TLCD2: variants seen among roughly 807,000 people sequenced by gnomAD.
TLCD2 encodes TLC domain-containing protein 2.
In TLCD2, 12 loss-of-function variants were observed where a neutral mutation model predicts 14.0. That is an observed-to-expected ratio of 0.86 (90% confidence interval 0.55 to 1.39). TLCD2 has a LOEUF of 1.39. Among genes scored for constraint, TLCD2 ranks in the 40% most tolerant of loss-of-function variants. The pLI is 0.00. For missense variants in TLCD2, 360 were observed against 346.8 expected (o/e 1.04, Z -0.30); for synonymous variants, 166 against 156.5 (o/e 1.06, Z -0.45).
Position 1,705,605 on chromosome 17 carries a change from C to T in TLCD2, c.*2165G>A, listed in dbSNP as rs1000315653. On this transcript the variant is annotated 3_prime_UTR_variant, in exon 4 of 4. Transcript: ENST00000330676. Reference sequence around the variant, plus strand: ...TTTTGCCCTCCATCCTTCTTTGCCTCTGTCACCTCTATGTGAATAATCCTT... The same window carrying T: ...TTTTGCCCTCCATCCTTCTTTGCCTTTGTCACCTCTATGTGAATAATCCTT... The T allele has an allele frequency of 6.6e-6, 1 of 152,324 alleles. No homozygotes were observed. The highest frequency in any genetic ancestry group is 1.5e-5 in the Non-Finnish European group (1 of 68,088). 9.4% of individuals were successfully genotyped at this position (152,324 alleles called of 1,614,324 possible). A position where few individuals can be genotyped will look rare whatever the true frequency, so the allele number is the denominator to read the frequency against.
In TLCD2 at chr17:1,706,889, T is replaced by C. The variant is rs1318101977; in HGVS notation, c.*881A>G. The C allele has an allele frequency of 6.7e-6, 1 of 149,300 alleles. No homozygotes were observed. The highest frequency in any genetic ancestry group is 2.0e-4 in the East Asian group (1 of 4,980). 9.2% of individuals were successfully genotyped at this position (149,300 alleles called of 1,614,324 possible). A position where few individuals can be genotyped will look rare whatever the true frequency, so the allele number is the denominator to read the frequency against. On this transcript the variant is annotated 3_prime_UTR_variant, in exon 4 of 4. Coordinates refer to ENST00000330676, the MANE Select transcript of TLCD2 (RefSeq NM_001164407.2). ...AGGGTTAAGGAGAAAAACAGGAGTG[T>C]GCGCCTGTTCTCACGTCTGTAATCC...
intron 2 of TLCD2, 63 bp downstream of exon 2, chr17:1,709,741 G>T: frequency 7.8e-7 from 1 of 1,288,704 alleles, no homozygotes; most frequent in Non-Finnish European, 1.1e-6. Context: ...GGACCTGGAA[G>T]GACAGCAGAA....
rs1445424079 is a variant in TLCD2, at chr17:1,702,856, G to A, written c.*4914C>T. 1 of 152,194 alleles carries A rather than the reference G, an allele frequency of 6.6e-6. No homozygotes were observed. The highest frequency in any genetic ancestry group is 2.4e-5 in the African/African-American group (1 of 41,452). 9.4% of individuals were successfully genotyped at this position (152,194 alleles called of 1,614,324 possible). On this transcript the variant is annotated 3_prime_UTR_variant, in exon 4 of 4. Coordinates refer to ENST00000330676, the MANE Select transcript of TLCD2 (RefSeq NM_001164407.2). ...TTTATTAATTTATAATCAGGATAGT[G>A]TTTCAAGGCCATAAAATATCAATGT...
chr17:1,710,271 T>G lies in TLCD2; in HGVS notation c.-29A>C. On this transcript the variant is annotated 5_prime_UTR_variant, in exon 1 of 4. Transcript: ENST00000330676. This position sits in a 1 kb window ranked among gnomAD's most constrained non-coding sequence, Gnocchi z 6.1. ...CTGGCGGTTGGGGGGTTGCGGGGAG[T>G]CCGGGTCGGTCCCCTCGGCGCCCGC... 3 of 1,453,422 alleles carry G rather than the reference T, an allele frequency of 2.1e-6. No individual in the cohort carries two copies. In the South Asian group the frequency reaches 4.1e-5, roughly 20 times the overall value. 90.0% of individuals were successfully genotyped at this position (1,453,422 alleles called of 1,614,324 possible). A position where few individuals can be genotyped will look rare whatever the true frequency, so the allele number is the denominator to read the frequency against.
Position 1,710,097 on chromosome 17 carries a change from C to A in TLCD2, c.146G>T (p.Ser49Ile). The change falls in exon 1 of 4, where the codon AGC becomes ATC. Residue 49 changes from serine to isoleucine, a missense_variant. Physicochemically the swap from Ser to Ile is moderately radical, Grantham distance 142. Transcript: ENST00000330676. This position sits in a 1 kb window ranked among gnomAD's most constrained non-coding sequence, Gnocchi z 6.1. ...CAGCGCCCCGGTCCCCGAGAGCAGGCTGTGCGCCAGGGAGACGCAGAGGTT... is the reference window on the plus strand; with the variant it reads ...CAGCGCCCCGGTCCCCGAGAGCAGGATGTGCGCCAGGGAGACGCAGAGGTT... ...WWNLCVSLAH[S>I]LLSGTGALLG... 1 of 1,533,448 alleles carries A rather than the reference C, an allele frequency of 6.5e-7. No individual in the cohort carries two copies. Among genetic ancestry groups the A allele is most frequent in the Admixed American group, 2.0e-5 (1 of 50,966 alleles). The allele number at this position is 1,533,448 out of a possible 1,614,324, so 95.0% of individuals were successfully genotyped here.
chr17:1,708,497 T>C (rs1461200993), intron 3 of TLCD2, among the ~76,000 whole-genome samples: 1 of 142,294 alleles, frequency 7.0e-6, no homozygotes, highest in Non-Finnish European at 1.5e-5. Context: ...TTTTTTTTTT[T>C]TTTTTTTCGA....
chr17:1,710,148 GC>G lies in TLCD2; in HGVS notation c.94del (p.Ala32ProfsTer85). ...CCACCACTGCCAGCGGTCCCGAGCG[GC>G]CGATTCCGGCGTGGGCAGCCGCCGC... ...GLRRLPTPES[A>X]ARDRWQWWNL... On this transcript the variant is annotated frameshift_variant, in exon 1 of 4. Coordinates refer to ENST00000330676, the MANE Select transcript of TLCD2 (RefSeq NM_001164407.2). LOFTEE classifies it high-confidence loss of function. This position sits in a 1 kb window ranked among gnomAD's most constrained non-coding sequence, Gnocchi z 6.1. 1 of 1,533,288 alleles carries G rather than the reference GC, an allele frequency of 6.5e-7. No homozygotes were observed. The highest frequency in any genetic ancestry group is 1.2e-5 in the South Asian group (1 of 83,934). 95.0% of individuals were successfully genotyped at this position (1,533,288 alleles called of 1,614,324 possible).
chr17:1,707,791 C>T lies in TLCD2; in HGVS notation c.774G>A (p.Ser258=), dbSNP rs1030678952. The T allele has an allele frequency of 4.1e-5, 61 of 1,502,240 alleles. No individual in the cohort carries two copies. The highest frequency in any genetic ancestry group is 1.1e-4 in the African/African-American group (8 of 72,372). 93.1% of individuals were successfully genotyped at this position (1,502,240 alleles called of 1,614,324 possible). ...CTCTCTAGTCTTTCAGGCTGAGAGT[C>T]GAACTGTTGCTGGTGACAGGTCCAT... ...RDNGPVTSNS[S]TLSLKD The change falls in exon 4 of 4, where the codon TCG becomes TCA. Residue 258 remains serine (S), a synonymous_variant. Coordinates refer to ENST00000330676, the MANE Select transcript of TLCD2 (RefSeq NM_001164407.2).
Position 1,709,562 on chromosome 17 carries a change from T to C in TLCD2, c.279A>G (p.Gly93=), listed in dbSNP as rs1463874461. The part of the protein sequence containing the change: ...AVSVGYFLAD[G]ADLLWNQTLG... ...AGGTCTGGTTCCACAGCAGGTCAGC[T>C]CCGTCTGCCAGGAAGTAACCTGTGG... The change falls in exon 3 of 4, where the codon GGA becomes GGG. Residue 93 remains glycine, a synonymous_variant. Transcript: ENST00000330676. The C allele has an allele frequency of 1.6e-5, 24 of 1,536,954 alleles. No individual in the cohort carries two copies. Among genetic ancestry groups the C allele is most frequent in the Non-Finnish European group, 2.1e-5 (24 of 1,146,886 alleles).
intron 3 of TLCD2, 89 bp from the exon 4 acceptor site, chr17:1,708,311 C>A: frequency 5.6e-6 from 6 of 1,065,048 alleles, no homozygotes; most frequent in Admixed American, 2.8e-5. Context: ...GAGGCTTCCA[C>A]GCAGTCTGTG....
rs1913948430 is a variant in TLCD2, at chr17:1,703,873, G to A, written c.*3897C>T. ...GGCAGACAACATTTTTGTTAATCAA[G>A]GCATTCAGTTAAGATGGCAAATTGA... On this transcript the variant is annotated 3_prime_UTR_variant, in exon 4 of 4. Transcript: ENST00000330676. The A allele has an allele frequency of 1.3e-5, 2 of 151,932 alleles. No individual in the cohort carries two copies. Among genetic ancestry groups the A allele is most frequent in the Admixed American group, 6.6e-5 (1 of 15,232 alleles). 9.4% of individuals were successfully genotyped at this position (151,932 alleles called of 1,614,324 possible). A position where few individuals can be genotyped will look rare whatever the true frequency, so the allele number is the denominator to read the frequency against.
chr17:1,709,956 T>G, intron 1 of TLCD2, 70 bp from the exon 2 acceptor site: 1 of 1,509,492 alleles, frequency 6.6e-7, no homozygotes, highest in Non-Finnish European at 8.9e-7. Context: ...GCAGTCTCCC[T>G]GTGCGCACCC....
rs1338718359 is a variant in TLCD2, at chr17:1,710,188, GC to G, written c.54del (p.Leu19CysfsTer98). Reference sequence around the variant, plus strand: ...GGCAGCCGCCGCAACCCCCAGTGCAGCCCCCGGAACGCGAGGAAGGAGGCGC... The same window carrying G: ...GGCAGCCGCCGCAACCCCCAGTGCAGCCCCGGAACGCGAGGAAGGAGGCGC... Reference protein sequence around the residue: ...VAGASFLAFRGLHWGLRRLPT... With the variant: ...VAGASFLAFRXLHWGLRRLPT... On this transcript the variant is annotated frameshift_variant, in exon 1 of 4. Transcript: ENST00000330676. LOFTEE classifies it high-confidence loss of function. The surrounding 1 kb of genome is among the most constrained non-coding windows in gnomAD (Gnocchi z 6.1). The G allele has an allele frequency of 6.5e-7, 1 of 1,530,160 alleles. No homozygotes were observed. Among genetic ancestry groups the G allele is most frequent in the African/African-American group, 1.4e-5 (1 of 72,314 alleles). 94.8% of individuals were successfully genotyped at this position (1,530,160 alleles called of 1,614,324 possible).
At chr17:1,709,969 A>AC in intron 1 of TLCD2, 83 bp from the exon 2 acceptor site, 2 of 1,507,676 alleles carry the variant, frequency 1.3e-6, no homozygotes, top group Non-Finnish European at 1.8e-6. Flanking sequence ...GCGCACCCCC[A>AC]CCCCAGTCTC....
In TLCD2 at chr17:1,709,839, G is replaced by T; in HGVS notation, c.224C>A (p.Pro75Gln). The T allele has an allele frequency of 6.5e-7, 1 of 1,535,180 alleles. No homozygotes were observed. Among genetic ancestry groups the T allele is most frequent in the Non-Finnish European group, 8.7e-7 (1 of 1,146,464 alleles). ...AGCCACCAGCACCAGAGCCCAGCGC[G>T]GGTGGCCATGGATGGGGTCGGCGGC... ...QMAADPIHGH[P>Q]RWALVLVAVS... The change falls in exon 2 of 4, where the codon CCG becomes CAG. Residue 75 changes from proline to glutamine, a missense_variant. Physicochemically the swap from Pro to Gln is moderately conservative, Grantham distance 76. Transcript: ENST00000330676.
At chr17:1,708,851 C>T (rs1305272237) in intron 3 of TLCD2, among the ~76,000 whole-genome samples, 4 of 152,178 alleles carry the variant, frequency 2.6e-5, no homozygotes, top group African/African-American at 9.6e-5. Context: ...CTCCATATTC[C>T]ACATTTCTGT....
In TLCD2 at chr17:1,708,215, C is replaced by T; in HGVS notation, c.350G>A (p.Ser117Asn). 6.6e-7 allele frequency: 1 copy of T among 1,522,576 alleles called. No homozygotes were observed. Among genetic ancestry groups the T allele is most frequent in the South Asian group, 1.2e-5 (1 of 82,704 alleles). 94.3% of individuals were successfully genotyped at this position (1,522,576 alleles called of 1,614,324 possible). The stretch of plus-strand genomic sequence containing the variant: ...AGACAGAACAGCGGTGCTGAGGCAG[C>T]TCACCACCTGGGAGCCAGGGTCACA... ...DLLCHHLVVV[S>N]CLSTAVLSGH... is the part of the protein sequence containing the mutation. Residue 117 changes from serine to asparagine, a missense_variant, in exon 4 of 4, where the codon AGC (serine) becomes AAC (asparagine). By Grantham distance (46) the Ser-to-Asn change is conservative. Coordinates refer to ENST00000330676, the MANE Select transcript of TLCD2 (RefSeq NM_001164407.2).
Position 1,709,849 on chromosome 17 carries a change from G to T in TLCD2, c.214C>A (p.His72Asn). The T allele has an allele frequency of 6.5e-7, 1 of 1,535,286 alleles. No individual in the cohort carries two copies. The highest frequency in any genetic ancestry group is 8.7e-7 in the Non-Finnish European group (1 of 1,146,710). ...ACCAGAGCCCAGCGCGGGTGGCCAT[G>T]GATGGGGTCGGCGGCCATCTGAGGG... is the stretch of plus-strand genomic sequence containing the variant. ...LYPQMAADPI[H>N]GHPRWALVLV... Residue 72 changes from histidine to asparagine, a missense_variant, in exon 2 of 4, where the codon CAT becomes AAT. By Grantham distance (68) the His-to-Asn change is moderately conservative. Coordinates refer to ENST00000330676, the MANE Select transcript of TLCD2 (RefSeq NM_001164407.2).
chr17:1,706,817 GATACTA>G lies in TLCD2; in HGVS notation c.*947_*952del, dbSNP rs1479136684. 6.9e-6 allele frequency: 1 copy of G among 145,848 alleles called. No individual in the cohort carries two copies. The highest frequency in any genetic ancestry group is 2.5e-5 in the African/African-American group (1 of 39,280). 9.0% of individuals were successfully genotyped at this position (145,848 alleles called of 1,614,324 possible). A position where few individuals can be genotyped will look rare whatever the true frequency, so the allele number is the denominator to read the frequency against. On this transcript the variant is annotated 3_prime_UTR_variant, in exon 4 of 4. Coordinates refer to ENST00000330676, the MANE Select transcript of TLCD2 (RefSeq NM_001164407.2). ...AGAAAAGAAAAAAGAAAAGTCAAAA[GATACTA>G]AAAATAAAAATAAAAATAAAAGGCT...
Sources: allele counts gnomAD v4.1 joint callset (sites outside exome capture counted in the v4.1 genomes callset), GRCh38; gene constraint gnomAD v4.1.1; non-coding constraint Gnocchi (gnomAD v3.1); transcripts MANE v1.5; gene names NCBI Gene and HGNC (gene_info 2026-07-23, HGNC 2026-07-21).